The following GPCPD1 variants were observed in gnomAD, a reference collection of about 807,000 sequenced individuals.
GPCPD1 encodes glycerophosphocholine phosphodiesterase GPCPD1.
In GPCPD1, 29 loss-of-function variants were observed where a neutral mutation model predicts 89.2. The observed-to-expected ratio is 0.33, with a 90% confidence interval of 0.24 to 0.44. The LOEUF (loss-of-function observed/expected upper bound fraction) is 0.44, where lower values mean the gene tolerates loss of function less well. Ranked by LOEUF, GPCPD1 falls within the 20% of genes least tolerant of loss-of-function variation. The pLI is 1.00. For synonymous variants in GPCPD1, 258 were observed against 266.3 expected, an observed-to-expected ratio of 0.97 and a Z score of 0.30; for missense variants, 594 against 808.9, an observed-to-expected ratio of 0.73 and a Z score of 3.22.
chr20:5,547,961 TC>T, intron 19 of GPCPD1, 111 bp from the exon 20 acceptor site: 1 of 558,718 alleles, frequency 1.8e-6, no homozygotes. Context: ...GCCTGGAACA[TC>T]CACATCAGAG....
chr20:5,606,313 A>G (rs1488901310), intron 1 of GPCPD1, among the ~76,000 whole-genome samples: 1 of 151,630 alleles, frequency 6.6e-6, no homozygotes, highest in Non-Finnish European at 1.5e-5. Flanking sequence ...CCCCCCCACC[A>G]ATGTTACAAG....
intron 4 of GPCPD1, among the ~76,000 whole-genome samples, chr20:5,592,500 G>GGT (rs1979398267): frequency 6.6e-6 from 1 of 152,104 alleles, no homozygotes; most frequent in Non-Finnish European, 1.5e-5. Context: ...TTTGTATAAT[G>GGT]GTGGCTAAGA....
intron 19 of GPCPD1, among the ~76,000 whole-genome samples, chr20:5,554,406 T>TAACA (rs1246892888): frequency 6.6e-6 from 1 of 152,182 alleles, no homozygotes; most frequent in Non-Finnish European, 1.5e-5. Flanking sequence ...CTGCTTCTCT[T>TAACA]GTTAGGGGCT....
chr20:5,598,817 T>G lies in GPCPD1; in HGVS notation c.54A>C (p.Glu18Asp). Reference sequence around the variant, plus strand: ...CACAGCTTCCACATATCGCAAAAACTTCTCCTAAAGAAACAGAACAATCAG... The same window carrying G: ...CACAGCTTCCACATATCGCAAAAACGTCTCCTAAAGAAACAGAACAATCAG... Reference protein sequence around the residue: ...FEIRGTLLPGEVFAICGSCDA... With the variant: ...FEIRGTLLPGDVFAICGSCDA... Residue 18 changes from glutamate to aspartate, a missense_variant, in exon 3 of 20, where the codon GAA (glutamate) becomes GAC (aspartate). By Grantham distance (45) the Glu-to-Asp change is conservative (BLOSUM62 2). Transcript: ENST00000379019. 6.3e-7 allele frequency: 1 copy of G among 1,599,602 alleles called. No homozygotes were observed. The highest frequency in any genetic ancestry group is 8.6e-7 in the Non-Finnish European group (1 of 1,166,920).
rs914780963 is a variant in GPCPD1 at position 5,582,836 on chromosome 20, C to T, written c.349+1445G>A. Among the ~76,000 whole-genome samples, 9 of 150,848 alleles carry T rather than the reference C, an allele frequency of 6.0e-5. No individual in the cohort carries two copies. In the South Asian group the frequency reaches 1.5e-3, roughly 24 times the overall value. On this transcript the variant is annotated intron_variant, in intron 6 of 19. Transcript: ENST00000379019. ...CCCAGCAGGTGGAGGCTGCAGCAAG[C>T]GGAGATTGCGCCACTGCATTCCAGC...
chr20:5,575,567 A>G, intron 9 of GPCPD1, 22 bp from the exon 10 acceptor site: 1 of 1,501,024 alleles, frequency 6.7e-7, no homozygotes, highest in Non-Finnish European at 9.2e-7. Context: ...AAAAAGAGGG[A>G]GGAACAAAAA....
rs746546069 is a variant in GPCPD1 at position 5,558,802 on chromosome 20, T to C, written c.1550A>G (p.Asn517Ser). 1 of 1,574,506 alleles carries C rather than the reference T, an allele frequency of 6.4e-7. No homozygotes were observed. The highest frequency in any genetic ancestry group is 2.3e-5 in the East Asian group (1 of 43,804). The change falls in exon 18 of 20, where the codon AAC (asparagine) becomes AGC (serine). Residue 517 changes from asparagine (N) to serine (S), a missense_variant. Coordinates refer to ENST00000379019, the MANE Select transcript of GPCPD1 (RefSeq NM_019593.5). ...AGTTAAAAATAGTATCGGATATTTG[T>C]TCTGCTTTTGCCGAACCCTGAAAAG... ...DICTMVRQKQ[N>S]KYPILFLTQG...
Position 5,547,762 on chromosome 20 carries a change from A to C in GPCPD1, c.1918T>G (p.Cys640Gly). The C allele has an allele frequency of 1.9e-6, 3 of 1,610,480 alleles. No individual in the cohort carries two copies. The highest frequency in any genetic ancestry group is 2.5e-6 in the Non-Finnish European group (3 of 1,176,746). The change falls in exon 20 of 20, where the codon TGT becomes GGT. Residue 640 changes from cysteine to glycine, a missense_variant. Transcript: ENST00000379019. ...AAGCGGCTAACAGTGGGACACAAAC[A>C]GCTCTTAAGCTCTGGCAATTCCTGC... Reference protein sequence around the residue: ...LKQELPELKSCLCPTVSRFVP... With the variant: ...LKQELPELKSGLCPTVSRFVP...
intron 12 of GPCPD1, among the ~76,000 whole-genome samples, chr20:5,569,098 TCCTCC>T (rs61110993): frequency 2.7e-5 from 4 of 150,456 alleles, no homozygotes; most frequent in Non-Finnish European, 4.4e-5. Flanking sequence ...TTTCCTCCCT[TCCTCC>T]CCTCCCCTCC....
At chr20:5,556,442 G>C (rs1985772006) in intron 19 of GPCPD1, among the ~76,000 whole-genome samples, 1 of 152,210 alleles carries the variant, frequency 6.6e-6, no homozygotes, top group Non-Finnish European at 1.5e-5. Flanking sequence ...CTGATCTCAT[G>C]ATCTGCCCGC....
chr20:5,583,480 G>A lies in GPCPD1; in HGVS notation c.349+801C>T, dbSNP rs200415127. 6.6e-5 allele frequency among the ~76,000 whole-genome samples: 10 copies of A among 151,516 alleles called. No homozygotes were observed. In the East Asian group the frequency reaches 1.6e-3, roughly 24 times the overall value. ...GGAGTATCACTTGAACCTCAGGGTC[G>A]GAGGCTGCAGTGAGCCGAGACTGCA... On this transcript the variant is annotated intron_variant, in intron 6 of 19. Transcript: ENST00000379019.
At chr20:5,593,157 T>C (rs1443217690) in intron 4 of GPCPD1, among the ~76,000 whole-genome samples, 170 bp downstream of exon 4, 10 of 152,240 alleles carry the variant, frequency 6.6e-5, no homozygotes, top group Admixed American at 6.5e-4. Flanking sequence ...GCAGACATCA[T>C]CTGCCTCTGA....
At chr20:5,594,720 T>G (rs1005791678) in intron 3 of GPCPD1, among the ~76,000 whole-genome samples, 3 of 152,242 alleles carry the variant, frequency 2.0e-5, no homozygotes, top group Non-Finnish European at 4.4e-5. Flanking sequence ...TTGTCCTTAC[T>G]CTGATACAAG....
At chr20:5,556,325 A>AG (rs762298420) in intron 19 of GPCPD1, among the ~76,000 whole-genome samples, 1 of 151,982 alleles carries the variant, frequency 6.6e-6, no homozygotes, top group African/African-American at 2.4e-5. Context: ...CTCCTGCCTC[A>AG]GCCCCGAGCA....
At chr20:5,570,443 A>AAAC (rs1568655104) in intron 11 of GPCPD1, among the ~76,000 whole-genome samples, 1 of 151,662 alleles carries the variant, frequency 6.6e-6, no homozygotes, top group Non-Finnish European at 1.5e-5. Flanking sequence ...AAAAAAAAAA[A>AAAC]AAAACGGACA....
rs908522708 is a variant in GPCPD1, at chr20:5,547,325, G to C, written c.*336C>G. ...TTCAGACCTGATCAAATGAAAAGCT[G>C]TAAGTGTAAATATGAGCTATTTATA... On this transcript the variant is annotated 3_prime_UTR_variant, in exon 20 of 20. Transcript: ENST00000379019. 6.4e-6 allele frequency: 1 copy of C among 155,312 alleles called. No homozygotes were observed. The highest frequency in any genetic ancestry group is 2.4e-5 in the African/African-American group (1 of 41,552). 9.6% of individuals were successfully genotyped at this position (155,312 alleles called of 1,614,324 possible).
rs755563043 is a variant in GPCPD1, at chr20:5,546,879, G to A, written c.*782C>T. The A allele has an allele frequency of 5.2e-5, 8 of 152,404 alleles. No homozygotes were observed. The highest frequency in any genetic ancestry group is 8.8e-5 in the Non-Finnish European group (6 of 68,004). 9.4% of individuals were successfully genotyped at this position (152,404 alleles called of 1,614,324 possible). The stretch of plus-strand genomic sequence containing the variant: ...GATGCAAGGACCTAACAGTAAACAT[G>A]TACAATCTCATGCTTAACACCTAAA... On this transcript the variant is annotated 3_prime_UTR_variant, in exon 20 of 20. Coordinates refer to ENST00000379019, the MANE Select transcript of GPCPD1 (RefSeq NM_019593.5).
At chr20:5,581,257 A>C (rs1321577029) in intron 6 of GPCPD1, among the ~76,000 whole-genome samples, 1 of 152,230 alleles carries the variant, frequency 6.6e-6, no homozygotes, top group Non-Finnish European at 1.5e-5. Flanking sequence ...AGGTAGTCTT[A>C]AATTCTTCAT....
At chr20:5,590,707 T>C (rs1048952952) in intron 4 of GPCPD1, among the ~76,000 whole-genome samples, 2 of 152,094 alleles carry the variant, frequency 1.3e-5, no homozygotes, top group African/African-American at 4.8e-5. Context: ...ACTAATAAAC[T>C]ATTGTACAAA....
Sources: gnomAD v4.1 joint callset for allele counts (sites outside exome capture counted in the v4.1 genomes callset) on GRCh38, gnomAD v4.1.1 for gene constraint, MANE v1.5 for transcripts, NCBI Gene and HGNC (gene_info 2026-07-23, HGNC 2026-07-21) for gene names.